The following SERPINE2 variants were observed in gnomAD, a reference collection of about 807,000 sequenced individuals.
The protein encoded by SERPINE2 is glia-derived nexin.
In SERPINE2, 14 loss-of-function variants were observed where a neutral mutation model predicts 36.3. The observed-to-expected ratio is 0.39, with a 90% CI of 0.25 to 0.60. The LOEUF (loss-of-function observed/expected upper bound fraction) is 0.60. SERPINE2 is among the 20% of genes least tolerant of loss of function. The pLI is 0.57. For missense variants in SERPINE2, 418 were observed against 499.6 expected, an observed-to-expected ratio of 0.84 and a Z score of 1.56; for synonymous variants, 192 against 191.8, an observed-to-expected ratio of 1.00 and a Z score of -0.01.
intron 3 of SERPINE2, among the ~76,000 whole-genome samples, chr2:223,995,883 A>G (rs1690868375): frequency 6.6e-6 from 1 of 152,084 alleles, no homozygotes. Context: ...TACGTATTTG[A>G]GTGTAGTTGT....
chr2:224,036,858 G>C (rs1285489756), intron 1 of SERPINE2, among the ~76,000 whole-genome samples: 1 of 151,780 alleles, frequency 6.6e-6, no homozygotes, highest in African/African-American at 2.4e-5. Context: ...CTCACAGGGA[G>C]AGACTGAAGA....
Position 224,016,525 on chromosome 2 carries a change from G to A in SERPINE2, c.-22-14603C>T, listed in dbSNP as rs550034944. 5.4e-5 allele frequency among the ~76,000 whole-genome samples: 8 copies of A among 149,360 alleles called. No homozygotes were observed. In the East Asian group the frequency reaches 1.6e-3, roughly 29 times the overall value. Reference sequence around the variant, plus strand: ...CCGTCTCAAAAAAAAAAAAAAAATAGTTTGGTAGTTTCTGTTTATTATTTA... The same window carrying A: ...CCGTCTCAAAAAAAAAAAAAAAATAATTTGGTAGTTTCTGTTTATTATTTA... On this transcript the variant is annotated intron_variant, in intron 1 of 8. Transcript: ENST00000409304.
chr2:224,020,128 T>C (rs4674849), intron 1 of SERPINE2, among the ~76,000 whole-genome samples: 143,801 of 152,232 alleles, frequency 0.94, 68,278 homozygotes, highest in Non-Finnish European at 0.99. Flanking sequence ...ATGGTATCAC[T>C]TAACCACATT....
intron 1 of SERPINE2, chr2:224,030,243 G>A: frequency 1.0e-6 from 1 of 984,908 alleles, no homozygotes; most frequent in African/African-American, 1.7e-5. Context: ...GATCATTGGG[G>A]AGTACTGCCC....
intron 5 of SERPINE2, among the ~76,000 whole-genome samples, chr2:223,983,169 A>G (rs1690288067): frequency 6.6e-6 from 1 of 152,212 alleles, no homozygotes; most frequent in Admixed American, 6.5e-5. Context: ...AGTTCTCCAT[A>G]TCCATCTTGG....
At chr2:224,035,748 T>C (rs980734370) in intron 1 of SERPINE2, among the ~76,000 whole-genome samples, 1 of 152,180 alleles carries the variant, frequency 6.6e-6, no homozygotes, top group African/African-American at 2.4e-5. Flanking sequence ...ACTCAAGTTG[T>C]ATATACTTTG....
chr2:223,982,644 T>C (rs1427036291), intron 6 of SERPINE2, 37 bp downstream of exon 6: 2 of 1,254,788 alleles, frequency 1.6e-6, no homozygotes, highest in East Asian at 2.3e-5. Flanking sequence ...TGTAACACTT[T>C]CTTCAAGTAT....
chr2:224,038,164 A>G (rs1692589093), intron 1 of SERPINE2, among the ~76,000 whole-genome samples: 1 of 152,202 alleles, frequency 6.6e-6, no homozygotes, highest in Non-Finnish European at 1.5e-5. Context: ...ATATTGTTCC[A>G]CAACAATTCA....
At chr2:224,000,226 G>A (rs1691059391) in intron 2 of SERPINE2, among the ~76,000 whole-genome samples, 1 of 152,172 alleles carries the variant, frequency 6.6e-6, no homozygotes, top group African/African-American at 2.4e-5. Flanking sequence ...CCAACGAAGG[G>A]AGCAGACCTA....
Position 224,038,592 on chromosome 2 carries a change from G to A in SERPINE2, c.-23+507C>T, listed in dbSNP as rs1282589256. ...ATCGGCTGCCAGAGGCCAAGTTAAA[G>A]GCTTTCCCCACACCGCGCGTCACCT... is the stretch of plus-strand genomic sequence containing the variant. On this transcript the variant is annotated intron_variant, in intron 1 of 8. Coordinates refer to ENST00000409304, the MANE Select transcript of SERPINE2 (RefSeq NM_001136528.2). 7.1e-6 allele frequency: 9 copies of A among 1,264,220 alleles called. No homozygotes were observed. In the African/African-American group the frequency reaches 1.0e-4, roughly 15 times the overall value. 78.3% of individuals were successfully genotyped at this position (1,264,220 alleles called of 1,614,324 possible).
chr2:224,026,666 T>C (rs887824228), intron 1 of SERPINE2, among the ~76,000 whole-genome samples: 15 of 152,220 alleles, frequency 9.9e-5, no homozygotes, highest in African/African-American at 2.7e-4. Context: ...CTCTTTTCCA[T>C]AGAGAAACTT....
chr2:224,036,120 C>T (rs1259208654), intron 1 of SERPINE2, among the ~76,000 whole-genome samples: 1 of 152,074 alleles, frequency 6.6e-6, no homozygotes, highest in Non-Finnish European at 1.5e-5. Flanking sequence ...GCGCACCAGA[C>T]TGCAGGTAAC....
intron 4 of SERPINE2, among the ~76,000 whole-genome samples, chr2:223,990,870 T>C (rs1459331307): frequency 6.6e-6 from 1 of 152,108 alleles, no homozygotes; most frequent in Non-Finnish European, 1.5e-5. Flanking sequence ...CCCAGCTACA[T>C]GAGAGGCTGA....
intron 3 of SERPINE2, among the ~76,000 whole-genome samples, chr2:223,996,132 T>G (rs746706035): frequency 5.9e-5 from 9 of 152,160 alleles, no homozygotes; most frequent in Non-Finnish European, 1.0e-4. Context: ...CCAGCACACG[T>G]GGGGGTTTTC....
At position 223,992,386 on chromosome 2, in the gene SERPINE2, T is replaced by G. The variant is rs1690711284; in HGVS notation, c.488-386A>C. Among the ~76,000 whole-genome samples the G allele has an allele frequency of 2.6e-5, 4 of 152,190 alleles. No homozygotes were observed. The South Asian group carries it at 8.3e-4, about 31-fold the overall frequency. ...CTTTTTTTTGCCAATAAATGACTGA[T>G]AGTAAGGGTTTCTGGTCAGTACAAG... On this transcript the variant is annotated intron_variant, in intron 3 of 8. Transcript: ENST00000409304.
intron 1 of SERPINE2, among the ~76,000 whole-genome samples, chr2:224,012,719 G>T (rs1052790581): frequency 2.6e-5 from 4 of 151,982 alleles, no homozygotes; most frequent in African/African-American, 9.7e-5. Context: ...TCTGTATACC[G>T]TTATGTAGCC....
At chr2:224,000,116 T>C (rs1322701026) in intron 2 of SERPINE2, among the ~76,000 whole-genome samples, 1 of 152,218 alleles carries the variant, frequency 6.6e-6, no homozygotes, top group Non-Finnish European at 1.5e-5. Flanking sequence ...GCCACCTCAC[T>C]GATCTTACTC....
In SERPINE2 at chr2:224,026,785, C is replaced by G. The variant is rs193060853; in HGVS notation, c.-23+12314G>C. ...AGGCCTTAACACAGGCTTGTGTATT[C>G]CCGTGTCTTGCTGTCATAGATATTT... On this transcript the variant is annotated intron_variant, in intron 1 of 8. Transcript: ENST00000409304. 3.8e-3 allele frequency among the ~76,000 whole-genome samples: 582 copies of G among 152,264 alleles called. 3 individuals are homozygous for G. Among genetic ancestry groups the G allele is most frequent in the Admixed American group, 7.6e-3 (117 of 15,298 alleles).
At chr2:224,026,276 G>C (rs1692180345) in intron 1 of SERPINE2, among the ~76,000 whole-genome samples, 1 of 152,148 alleles carries the variant, frequency 6.6e-6, no homozygotes, top group Admixed American at 6.5e-5. Context: ...TTTGAGTCAC[G>C]GTACATATTT....
Sources: gnomAD v4.1 joint callset for allele counts (sites outside exome capture counted in the v4.1 genomes callset) on GRCh38, gnomAD v4.1.1 for gene constraint, MANE v1.5 for transcripts, NCBI Gene and HGNC (gene_info 2026-07-23, HGNC 2026-07-21) for gene names.